NSMCE2: variants seen among roughly 807,000 people sequenced by gnomAD.
The protein encoded by NSMCE2 is E3 SUMO-protein ligase NSE2.
Under a neutral mutation model 23.8 loss-of-function variants are expected in NSMCE2, and 24 were observed. That is an observed-to-expected ratio of 1.01 (90% CI 0.73 to 1.42). NSMCE2 has a LOEUF of 1.42. Among genes scored for constraint, NSMCE2 ranks in the 40% most tolerant of loss-of-function variants. The pLI is 0.00. For missense variants in NSMCE2, 284 were observed against 296.5 expected (o/e 0.96, Z 0.31); for synonymous variants, 92 against 94.1 (o/e 0.98, Z 0.13).
intron 5 of NSMCE2, among the ~76,000 whole-genome samples, chr8:125,294,483 T>C (rs1290676391): frequency 1.3e-5 from 2 of 152,192 alleles, no homozygotes; most frequent in East Asian, 3.8e-4. Context: ...TCTTTTTTAT[T>C]GTAGACATCC....
rs1828801295 is a variant in NSMCE2 at position 125,307,231 on chromosome 8, TCTC to T, written c.419-49985_419-49983del. Among the ~76,000 whole-genome samples, 3 of 152,240 alleles carry T rather than the reference TCTC, an allele frequency of 2.0e-5. No homozygotes were observed. The South Asian group carries it at 6.2e-4, about 32-fold the overall frequency. On this transcript the variant is annotated intron_variant, in intron 5 of 7. Transcript: ENST00000287437. Reference sequence around the variant, plus strand: ...AATTTTTTTTTCTTTAAAATAGAAGTCTCCTTCTTTCCAATCACATGTGCAATG... The same window carrying T: ...AATTTTTTTTTCTTTAAAATAGAAGTCTTCTTTCCAATCACATGTGCAATG...
intron 4 of NSMCE2, among the ~76,000 whole-genome samples, chr8:125,170,946 ATC>A (rs1204433943): frequency 6.6e-6 from 1 of 152,034 alleles, no homozygotes; most frequent in Non-Finnish European, 1.5e-5. Context: ...ACCTTCACAC[ATC>A]TCTCTCAGAA....
At chr8:125,116,947 G>A (rs1245785327) in intron 3 of NSMCE2, among the ~76,000 whole-genome samples, 2 of 150,054 alleles carry the variant, frequency 1.3e-5, no homozygotes, top group Non-Finnish European at 3.0e-5. Flanking sequence ...GTGGGCAGTG[G>A]CATGATCTTG....
intron 5 of NSMCE2, among the ~76,000 whole-genome samples, chr8:125,193,345 A>T (rs1823448402): frequency 6.6e-6 from 1 of 152,216 alleles, no homozygotes; most frequent in South Asian, 2.1e-4. Context: ...CAGACTGTGT[A>T]AAAAACTGGA....
chr8:125,126,863 G>A (rs1212128300), intron 3 of NSMCE2: 1 of 152,202 alleles, frequency 6.6e-6, no homozygotes, highest in Non-Finnish European at 1.5e-5. Flanking sequence ...ATTGATGTGA[G>A]AATTAAATAC....
chr8:125,272,659 A>T (rs1201972348), intron 5 of NSMCE2, among the ~76,000 whole-genome samples: 2 of 127,452 alleles, frequency 1.6e-5, no homozygotes, highest in African/African-American at 6.1e-5. Flanking sequence ...ACAGTTATAG[A>T]AATTGCCTTA....
At chr8:125,157,517 C>A (rs1014527816) in intron 4 of NSMCE2, among the ~76,000 whole-genome samples, 2 of 152,114 alleles carry the variant, frequency 1.3e-5, no homozygotes, top group African/African-American at 4.8e-5. Flanking sequence ...ACTTCTATTT[C>A]GGTGGTTTAG....
chr8:125,267,165 G>A lies in NSMCE2; in HGVS notation c.418+84909G>A, dbSNP rs139439862. Among the ~76,000 whole-genome samples, 225 of 151,656 alleles carry A rather than the reference G, an allele frequency of 1.5e-3. 2 individuals carry two copies. Among genetic ancestry groups the A allele is most frequent in the African/African-American group, 4.9e-3 (204 of 41,376 alleles). ...ATTATATATAGGCACGCACTGCCAC[G>A]CCCGGTTAATTTTTGTATTTTTAGT... On this transcript the variant is annotated intron_variant, in intron 5 of 7. Coordinates refer to ENST00000287437, the MANE Select transcript of NSMCE2 (RefSeq NM_173685.4).
At chr8:125,313,794 CT>C (rs1319648541) in intron 5 of NSMCE2, among the ~76,000 whole-genome samples, 1 of 152,188 alleles carries the variant, frequency 6.6e-6, no homozygotes, top group Non-Finnish European at 1.5e-5. Context: ...CAGAACTTTA[CT>C]TTTCTTCTCT....
chr8:125,351,681 A>T (rs1445521684), intron 5 of NSMCE2, among the ~76,000 whole-genome samples: 4 of 152,166 alleles, frequency 2.6e-5, no homozygotes, highest in African/African-American at 9.7e-5. Flanking sequence ...TTTATTATAA[A>T]GCAAATGTAG....
In NSMCE2 at chr8:125,257,148, G is replaced by A. The variant is rs375939883; in HGVS notation, c.418+74892G>A. Among the ~76,000 whole-genome samples the A allele has an allele frequency of 7.3e-5, 11 of 151,638 alleles. No individual in the cohort carries two copies. The East Asian group carries it at 2.2e-3, about 30-fold the overall frequency. On this transcript the variant is annotated intron_variant, in intron 5 of 7. Transcript: ENST00000287437. ...AAAATACAAAAATTAGTCAGGCGTG[G>A]TGGCACGTGCCTGTAATCCCAGCTA...
intron 5 of NSMCE2, among the ~76,000 whole-genome samples, chr8:125,314,983 G>T (rs1463890704): frequency 2.0e-5 from 3 of 152,172 alleles, no homozygotes; most frequent in Non-Finnish European, 4.4e-5. Context: ...GATGTAACTA[G>T]ACTCACACTG....
chr8:125,118,389 A>G (rs1819123038), intron 3 of NSMCE2, among the ~76,000 whole-genome samples: 1 of 150,308 alleles, frequency 6.7e-6, no homozygotes. Context: ...AAAAACAAAC[A>G]AACAAACACA....
At chr8:125,307,051 A>G (rs536905401) in intron 5 of NSMCE2, among the ~76,000 whole-genome samples, 8 of 152,222 alleles carry the variant, frequency 5.3e-5, no homozygotes, top group Middle Eastern at 3.2e-3. Context: ...AGCCCAGCCC[A>G]TTGTAAATCA....
intron 5 of NSMCE2, among the ~76,000 whole-genome samples, chr8:125,282,439 C>G (rs1393789057): frequency 6.6e-6 from 1 of 152,122 alleles, no homozygotes; most frequent in Non-Finnish European, 1.5e-5. Context: ...TAAATATTAG[C>G]TATTGATTGA....
At chr8:125,239,502 G>A (rs749853135) in intron 5 of NSMCE2, among the ~76,000 whole-genome samples, 39 of 151,502 alleles carry the variant, frequency 2.6e-4, no homozygotes, top group Non-Finnish European at 4.9e-4. Context: ...CCAGCCACTC[G>A]GGTGGTTGAG....
chr8:125,219,202 A>C (rs1272693779), intron 5 of NSMCE2, among the ~76,000 whole-genome samples: 5 of 152,216 alleles, frequency 3.3e-5, no homozygotes, highest in Non-Finnish European at 7.3e-5. Context: ...AGATGGAAGA[A>C]AAGCCTGAGT....
intron 5 of NSMCE2, among the ~76,000 whole-genome samples, chr8:125,266,834 A>G (rs187047241): frequency 8.7e-4 from 133 of 152,262 alleles, no homozygotes; most frequent in African/African-American, 3.1e-3. Context: ...TTAGACCTTC[A>G]AATTGTACTC....
chr8:125,355,065 T>A (rs1424257199), intron 5 of NSMCE2, among the ~76,000 whole-genome samples: 1 of 152,226 alleles, frequency 6.6e-6, no homozygotes, highest in Non-Finnish European at 1.5e-5. Flanking sequence ...CCCAAGATAT[T>A]TCATCATGCT....
Sources: gnomAD v4.1 joint callset for allele counts (sites outside exome capture counted in the v4.1 genomes callset) on GRCh38, gnomAD v4.1.1 for gene constraint, MANE v1.5 for transcripts, NCBI Gene and HGNC (gene_info 2026-07-23, HGNC 2026-07-21) for gene names.